LRP1B: variants seen among roughly 807,000 people sequenced by gnomAD.
The protein encoded by LRP1B is low-density lipoprotein receptor-related protein 1B.
In LRP1B, 217 loss-of-function variants were observed where a neutral mutation model predicts 556.6. The ratio of observed to expected loss-of-function variants is 0.39; its 90% confidence interval spans 0.35 to 0.44. The LOEUF (loss-of-function observed/expected upper bound fraction) is 0.44, where lower values mean the gene tolerates loss of function less well. Ranked by LOEUF, LRP1B falls within the 20% of genes least tolerant of loss-of-function variation. The pLI, the probability that LRP1B is intolerant of heterozygous loss-of-function variation, is 1.00. For synonymous variants in LRP1B, 2,047 were observed against 1,865.8 expected (o/e 1.10, Z -2.50); for missense variants, 5,053 against 5,620.8 (o/e 0.90, Z 3.23).
chr2:140,937,772 T>C (rs1695272655), intron 20 of LRP1B, among the ~76,000 whole-genome samples: 1 of 152,092 alleles, frequency 6.6e-6, no homozygotes, highest in African/African-American at 2.4e-5. Context: ...AGATAGGGTA[T>C]GATATAGATT....
At chr2:140,358,714 G>T in intron 73 of LRP1B, 107 bp downstream of exon 73, 3 of 1,124,050 alleles carry the variant, frequency 2.7e-6, no homozygotes, top group Non-Finnish European at 3.8e-6. Context: ...TGAAAATAAT[G>T]CCCTCAGATG....
chr2:140,755,042 T>C (rs1438253682), intron 35 of LRP1B, among the ~76,000 whole-genome samples: 1 of 138,138 alleles, frequency 7.2e-6, no homozygotes, highest in Non-Finnish European at 1.6e-5. Context: ...GGGAATACCA[T>C]GAATAACTAT....
chr2:142,050,531 T>C (rs1704418568), intron 1 of LRP1B, among the ~76,000 whole-genome samples: 1 of 152,156 alleles, frequency 6.6e-6, no homozygotes, highest in Non-Finnish European at 1.5e-5. Context: ...TATCCTACAA[T>C]TCAATTTTTG....
At chr2:141,981,330 T>C (rs1333834892) in intron 1 of LRP1B, among the ~76,000 whole-genome samples, 1 of 152,064 alleles carries the variant, frequency 6.6e-6, no homozygotes, top group Non-Finnish European at 1.5e-5. Context: ...ACCTCAATGA[T>C]AACAAGTCTA....
chr2:140,475,320 T>C lies in LRP1B; in HGVS notation c.9443A>G (p.Asp3148Gly). Reference protein sequence around the residue: ...DPQAGYLYWIDCCEYPHIGRV... With the variant: ...DPQAGYLYWIGCCEYPHIGRV... Reference sequence around the variant, plus strand: ...GCCAATATGAGGATACTCGCAGCAGTCAATCCAATACAAATATCTAGGAAA... The same window carrying C: ...GCCAATATGAGGATACTCGCAGCAGCCAATCCAATACAAATATCTAGGAAA... Residue 3148 changes from aspartate (D) to glycine (G), a missense_variant, in exon 60 of 91, where the codon GAC (aspartate) becomes GGC (glycine). Physicochemically the swap from Asp to Gly is moderately conservative, Grantham distance 94. This residue lies in a region of LRP1B where 3,619 missense variants were observed against 3,931.9 expected (regional missense o/e 0.92). Coordinates refer to ENST00000389484, the MANE Select transcript of LRP1B (RefSeq NM_018557.3). 6.2e-7 allele frequency: 1 copy of C among 1,604,510 alleles called. No individual in the cohort carries two copies. The highest frequency in any genetic ancestry group is 8.5e-7 in the Non-Finnish European group (1 of 1,174,414).
At chr2:141,789,045 A>T (rs1340379683) in intron 2 of LRP1B, among the ~76,000 whole-genome samples, 2 of 152,004 alleles carry the variant, frequency 1.3e-5, no homozygotes, top group Non-Finnish European at 2.9e-5. Flanking sequence ...TTGGGTATAT[A>T]CCCAGTAATG....
chr2:140,495,345 A>G (rs181900427), intron 56 of LRP1B, among the ~76,000 whole-genome samples: 32 of 151,320 alleles, frequency 2.1e-4, no homozygotes, highest in African/African-American at 7.0e-4. Context: ...GCACTCTCAA[A>G]ATCTAGAAAA....
chr2:141,840,789 C>A (rs1318656649), intron 1 of LRP1B, among the ~76,000 whole-genome samples: 1 of 152,084 alleles, frequency 6.6e-6, no homozygotes, highest in African/African-American at 2.4e-5. Context: ...TACCTCTCAG[C>A]GGAGGTAACG....
At chr2:141,046,464 GA>G (rs1698872846) in intron 11 of LRP1B, among the ~76,000 whole-genome samples, 3 of 152,154 alleles carry the variant, frequency 2.0e-5, no homozygotes, top group African/African-American at 7.2e-5. Context: ...TTAATGGAAA[GA>G]AAAAAGATAA....
At chr2:140,644,079 C>T (rs1559027357) in intron 41 of LRP1B, among the ~76,000 whole-genome samples, 2 of 152,246 alleles carry the variant, frequency 1.3e-5, no homozygotes, top group East Asian at 3.9e-4. Context: ...TGCTCTTTTT[C>T]CCTCTGCGTG....
At chr2:141,306,709 T>C (rs113207056) in intron 3 of LRP1B, among the ~76,000 whole-genome samples, 3,413 of 152,188 alleles carry the variant, frequency 0.022, 69 homozygotes, top group Non-Finnish European at 0.036. Flanking sequence ...CATTTTTACA[T>C]AATTTATTTG....
rs138695231 is a variant in LRP1B, at chr2:141,827,784, T to G, written c.83-17383A>C. ...AATTCATTTTATATTCATCATACTT[T>G]CTTTAAAAATCCACATACACAAATA... On this transcript the variant is annotated intron_variant, in intron 1 of 90. Transcript: ENST00000389484. Among the ~76,000 whole-genome samples, 319 of 152,278 alleles carry G rather than the reference T, an allele frequency of 2.1e-3. 6 individuals carry two copies. Among genetic ancestry groups the G allele is most frequent in the Admixed American group, 0.019 (284 of 15,288 alleles).
intron 18 of LRP1B, among the ~76,000 whole-genome samples, chr2:140,969,441 T>C (rs1696338676): frequency 6.9e-6 from 1 of 144,668 alleles, no homozygotes; most frequent in Admixed American, 7.2e-5. Context: ...GAGATGGGTC[T>C]CCTGAATACA....
intron 84 of LRP1B, among the ~76,000 whole-genome samples, chr2:140,277,609 T>A (rs1411739173): frequency 1.3e-5 from 2 of 151,678 alleles, no homozygotes; most frequent in African/African-American, 4.8e-5. Context: ...AAACTCTATC[T>A]CTAAATAAAT....
chr2:142,096,116 C>T (rs1203834070), intron 1 of LRP1B, among the ~76,000 whole-genome samples: 1 of 151,698 alleles, frequency 6.6e-6, no homozygotes, highest in Non-Finnish European at 1.5e-5. Context: ...TCCTCTTTTG[C>T]AGAAGTTCAC....
chr2:140,938,618 T>A (rs1049666681), intron 20 of LRP1B, among the ~76,000 whole-genome samples: 1 of 152,032 alleles, frequency 6.6e-6, no homozygotes, highest in Non-Finnish European at 1.5e-5. Flanking sequence ...TGACTGGATA[T>A]AGGAATAAAG....
intron 60 of LRP1B, among the ~76,000 whole-genome samples, chr2:140,467,592 G>A (rs888819565): frequency 7.1e-6 from 1 of 140,316 alleles, no homozygotes; most frequent in South Asian, 2.3e-4. Context: ...CTGCCTGGGG[G>A]ACAGAGGGAA....
In LRP1B at chr2:140,856,060, T is replaced by C. The variant is rs114369411; in HGVS notation, c.4580-4277A>G. Among the ~76,000 whole-genome samples, 886 of 152,324 alleles carry C rather than the reference T, an allele frequency of 5.8e-3. 9 individuals carry two copies. The highest frequency in any genetic ancestry group is 0.02 in the African/African-American group (835 of 41,574). On this transcript the variant is annotated intron_variant, in intron 27 of 90. Coordinates refer to ENST00000389484, the MANE Select transcript of LRP1B (RefSeq NM_018557.3). ...TTGCTATGGCTATGTATCTGGTACA[T>C]TGTGATACTGTCCCAAATATACCCA... is the stretch of plus-strand genomic sequence containing the variant.
intron 34 of LRP1B, 84 bp downstream of exon 34, chr2:140,770,797 G>A: frequency 8.5e-7 from 1 of 1,170,680 alleles, no homozygotes; most frequent in Non-Finnish European, 1.2e-6. Flanking sequence ...ATGTTTAACT[G>A]ACTTTGGTTG....
Sources: allele counts gnomAD v4.1 joint callset (sites outside exome capture counted in the v4.1 genomes callset), GRCh38; gene constraint gnomAD v4.1.1; regional missense constraint gnomAD v4.1.1; transcripts MANE v1.5; gene names NCBI Gene and HGNC (gene_info 2026-07-23, HGNC 2026-07-21).